TRAF7: variants seen among roughly 807,000 people sequenced by gnomAD.
TRAF7 encodes TNF receptor associated factor 7.
In TRAF7, 45 loss-of-function variants were observed where a neutral mutation model predicts 89.3. The observed-to-expected ratio is 0.50, with a 90% CI of 0.40 to 0.65. TRAF7 has a LOEUF of 0.65. Among genes scored for constraint, TRAF7 ranks in the 30% least tolerant of loss-of-function variants. The pLI is 0.00. For synonymous variants in TRAF7, 406 were observed against 369.2 expected, an observed-to-expected ratio of 1.10 and a Z score of -1.14; for missense variants, 677 against 918.1, an observed-to-expected ratio of 0.74 and a Z score of 3.39.
At position 2,176,907 on chromosome 16, in the gene TRAF7, T is replaced by C; in HGVS notation, c.*333T>C. On this transcript the variant is annotated 3_prime_UTR_variant, in exon 21 of 21. Transcript: ENST00000326181. The stretch of plus-strand genomic sequence containing the variant: ...TAGACTGTATGTAGATTTGGTTACC[T>C]CCTGGTTGAAATAAATGCTCCACAG... 2.0e-6 allele frequency: 1 copy of C among 498,490 alleles called. No homozygotes were observed. The highest frequency in any genetic ancestry group is 3.7e-6 in the Non-Finnish European group (1 of 272,310). The allele number at this position is 498,490 out of a possible 1,614,324, so 30.9% of individuals were successfully genotyped here. A position where few individuals can be genotyped will look rare whatever the true frequency, so the allele number is the denominator to read the frequency against.
At chr16:2,174,836 C>T (rs1043678176) in intron 14 of TRAF7, among the ~76,000 whole-genome samples, 2 of 152,208 alleles carry the variant, frequency 1.3e-5, no homozygotes, top group African/African-American at 2.4e-5. Flanking sequence ...TGCCAGCAGC[C>T]GGCCCTGGGA....
chr16:2,160,330 C>A (rs2093052564), intron 1 of TRAF7, among the ~76,000 whole-genome samples: 1 of 151,972 alleles, frequency 6.6e-6, no homozygotes, highest in African/African-American at 2.4e-5. Flanking sequence ...CACTGGCCTT[C>A]CCCAGGGTGG....
chr16:2,172,440 C>T (rs1202905513), intron 8 of TRAF7, 25 bp from the exon 9 acceptor site: 4 of 1,610,458 alleles, frequency 2.5e-6, no homozygotes, highest in Admixed American at 1.7e-5. Flanking sequence ...TGGCTGAGGC[C>T]TCCCCGCATC....
chr16:2,169,780 T>C (rs188925308), intron 4 of TRAF7, among the ~76,000 whole-genome samples: 55 of 152,250 alleles, frequency 3.6e-4, no homozygotes, highest in African/African-American at 1.2e-3. Flanking sequence ...GGGAGGTGGG[T>C]ACATGGCACA....
rs765726298 is a variant in TRAF7 at position 2,175,899 on chromosome 16, C to T, written c.1692C>T (p.Ser564=). Residue 564 remains serine, a synonymous_variant, in exon 18 of 21, where the codon TCC becomes TCT. Coordinates refer to ENST00000326181, the MANE Select transcript of TRAF7 (RefSeq NM_032271.3). The part of the protein sequence containing the change: ...VLQTSGGSVY[S]IAVTNHHIVC... Reference sequence around the variant, plus strand: ...AGACGTCTGGTGGCAGCGTCTACTCCATTGCTGTGACAAATCACCACATTG... The same window carrying T: ...AGACGTCTGGTGGCAGCGTCTACTCTATTGCTGTGACAAATCACCACATTG... 6.2e-7 allele frequency: 1 copy of T among 1,613,552 alleles called. No homozygotes were observed. Among genetic ancestry groups the T allele is most frequent in the Non-Finnish European group, 8.5e-7 (1 of 1,179,986 alleles).
At position 2,162,062 on chromosome 16, in the gene TRAF7, C is replaced by T. The variant is rs2093060164; in HGVS notation, c.-38-1821C>T. On this transcript the variant is annotated intron_variant, in intron 1 of 20. Transcript: ENST00000326181. This position sits in a 1 kb window ranked among gnomAD's most constrained non-coding sequence, Gnocchi z 5.0. ...TGGGGAAGGCCGAGGGAGGCTTTGG[C>T]CAGGCCCCATCTCCCGAGACCATGG... Among the ~76,000 whole-genome samples the T allele has an allele frequency of 6.6e-6, 1 of 152,206 alleles. No homozygotes were observed. The highest frequency in any genetic ancestry group is 6.5e-5 in the Admixed American group (1 of 15,286).
At chr16:2,167,997 C>T (rs899900248) in intron 3 of TRAF7, 80 bp from the exon 4 acceptor site, 13 of 1,332,550 alleles carry the variant, frequency 9.8e-6, no homozygotes, top group African/African-American at 1.4e-5. Flanking sequence ...CCCACAGGGT[C>T]GGGTATCCAG....
chr16:2,173,900 C>G, intron 12 of TRAF7, 21 bp from the exon 13 acceptor site: 3 of 1,600,016 alleles, frequency 1.9e-6, no homozygotes, highest in South Asian at 1.1e-5. Flanking sequence ...GGGCCTTCAC[C>G]CACTGCTCCC....
chr16:2,175,922 T>G lies in TRAF7; in HGVS notation c.1715T>G (p.Ile572Ser). The stretch of plus-strand genomic sequence containing the variant: ...TCCATTGCTGTGACAAATCACCACA[T>G]TGTCTGTGGCACCTACGAGAACCTC... ...VYSIAVTNHH[I>S]VCGTYENLIH... The change falls in exon 18 of 21, where the codon ATT becomes AGT. Residue 572 changes from isoleucine to serine, a missense_variant. Around this residue, in one of 6 missense-constraint regions of TRAF7, gnomAD observed 160 missense variants for 263.7 expected, o/e 0.61. Transcript: ENST00000326181. 6.2e-7 allele frequency: 1 copy of G among 1,613,442 alleles called. No individual in the cohort carries two copies.
At chr16:2,172,111 C>A in intron 7 of TRAF7, 80 bp from the exon 8 acceptor site, 2 of 1,555,816 alleles carry the variant, frequency 1.3e-6, no homozygotes, top group Non-Finnish European at 1.8e-6. Context: ...GATCTGGCCC[C>A]CATTAGAGGC....
At chr16:2,174,433 T>C in intron 14 of TRAF7, 100 bp downstream of exon 14, 18 of 1,187,480 alleles carry the variant, frequency 1.5e-5, no homozygotes, top group Admixed American at 2.1e-5. Flanking sequence ...TGTGTAGCTA[T>C]GTGTGTGCCC....
At chr16:2,174,169 G>A in intron 13 of TRAF7, 82 bp from the exon 14 acceptor site, 6 of 1,593,630 alleles carry the variant, frequency 3.8e-6, no homozygotes, top group Non-Finnish European at 5.1e-6. Context: ...CATGGGCGGG[G>A]CTCCCTCACT....
Position 2,175,287 on chromosome 16 carries a change from C to T in TRAF7, c.1387-14C>T, listed in dbSNP as rs2093130835. On this transcript the variant is annotated splice_polypyrimidine_tract_variant and intron_variant, in intron 15 of 20. Coordinates refer to ENST00000326181, the MANE Select transcript of TRAF7 (RefSeq NM_032271.3). ...GGCTTGGTGCCCTGAGGCTGCCGGT[C>T]CTTCCCCAATCAGGTGTGGGACATC... 5 of 1,612,848 alleles carry T rather than the reference C, an allele frequency of 3.1e-6. No individual in the cohort carries two copies. Among genetic ancestry groups the T allele is most frequent in the Non-Finnish European group, 4.2e-6 (5 of 1,179,604 alleles).
At position 2,165,570 on chromosome 16, in the gene TRAF7, C is replaced by T. The variant is rs1476841131; in HGVS notation, c.82-309C>T. Among the ~76,000 whole-genome samples, 5 of 129,860 alleles carry T rather than the reference C, an allele frequency of 3.9e-5. No homozygotes were observed. In the East Asian group the frequency reaches 6.6e-4, roughly 17 times the overall value. The allele number at this position is 129,860 out of a possible 152,430, so 85.2% of individuals were successfully genotyped here. On this transcript the variant is annotated intron_variant, in intron 2 of 20. Coordinates refer to ENST00000326181, the MANE Select transcript of TRAF7 (RefSeq NM_032271.3). ...CGCATGGTTTAGCGTGTTAGTGCTG[C>T]GTGGCCTGGCCTGGTCGCATGGTTA...
In TRAF7 at chr16:2,172,422, C is replaced by T. The variant is rs761727088; in HGVS notation, c.660-43C>T. ...CTCTGCCTCCCTGGGGGCTGCTTCT[C>T]AGGGCTCTGGCTGAGGCCTCCCCGC... On this transcript the variant is annotated intron_variant, in intron 8 of 20. Transcript: ENST00000326181. The T allele has an allele frequency of 3.1e-6, 5 of 1,610,758 alleles. No individual in the cohort carries two copies. The East Asian group carries it at 8.9e-5, about 29-fold the overall frequency.
intron 11 of TRAF7, 64 bp from the exon 12 acceptor site, chr16:2,173,724 G>A: frequency 1.3e-6 from 2 of 1,599,556 alleles, no homozygotes; most frequent in Non-Finnish European, 1.7e-6. Flanking sequence ...CAGGGGCAGA[G>A]AGGCTGCACT....
In TRAF7 at chr16:2,171,375, C is replaced by T. The variant is rs374865914; in HGVS notation, c.441+19C>T. 6.5e-7 allele frequency: 1 copy of T among 1,545,384 alleles called. No homozygotes were observed. The highest frequency in any genetic ancestry group is 8.8e-7 in the Non-Finnish European group (1 of 1,142,294). On this transcript the variant is annotated intron_variant, in intron 6 of 20. Coordinates refer to ENST00000326181, the MANE Select transcript of TRAF7 (RefSeq NM_032271.3). The stretch of plus-strand genomic sequence containing the variant: ...GTGTGGGGTGAGCCCGCCGCCCTTC[C>T]CAGCCCCCCTGCTGCCAGAGGCCCC...
chr16:2,175,785 G>C, intron 17 of TRAF7, 49 bp from the exon 18 acceptor site: 1 of 1,606,916 alleles, frequency 6.2e-7, no homozygotes, highest in South Asian at 1.1e-5. Context: ...CGGGGGCCCT[G>C]GGGGTGAAGC....
intron 5 of TRAF7, 62 bp downstream of exon 5, chr16:2,170,792 A>G: frequency 6.8e-7 from 1 of 1,477,456 alleles, no homozygotes; most frequent in Non-Finnish European, 9.2e-7. Flanking sequence ...CGTGGCACGG[A>G]GGCACCTTCC....
Sources: gnomAD v4.1 joint callset for allele counts (sites outside exome capture counted in the v4.1 genomes callset) on GRCh38, gnomAD v4.1.1 for gene constraint, gnomAD v4.1.1 regional missense constraint, Gnocchi (gnomAD v3.1) non-coding constraint, MANE v1.5 for transcripts, NCBI Gene and HGNC (gene_info 2026-07-23, HGNC 2026-07-21) for gene names.